Variants in SLFN12L observed in about 807,000 individuals in gnomAD.
SLFN12L encodes schlafen family member 12 like.
In SLFN12L, 34 loss-of-function variants were observed where a neutral mutation model predicts 34.8. That is an observed-to-expected ratio of 0.98 (90% CI 0.74 to 1.30). The LOEUF (loss-of-function observed/expected upper bound fraction) is 1.30, where lower values mean the gene tolerates loss of function less well. Among genes scored for constraint, SLFN12L ranks in the 50% most tolerant of loss-of-function variants. The probability of loss-of-function intolerance (pLI) is 0.00; values close to 1 mark genes in which losing one functional copy is unlikely to be tolerated. For missense variants in SLFN12L, 703 were observed against 696.2 expected (o/e 1.01, Z -0.11); for synonymous variants, 259 against 247.5 (o/e 1.05, Z -0.44).
At chr17:35,507,087 G>A (rs1415666970) in intron 2 of SLFN12L, among the ~76,000 whole-genome samples, 1 of 152,158 alleles carries the variant, frequency 6.6e-6, no homozygotes, top group African/African-American at 2.4e-5. Context: ...GGATATGTGT[G>A]CATAGAGCTT....
intron 2 of SLFN12L, among the ~76,000 whole-genome samples, chr17:35,488,315 C>T (rs893878409): frequency 1.3e-5 from 2 of 152,180 alleles, no homozygotes; most frequent in African/African-American, 4.8e-5. Flanking sequence ...CAGTTGACGC[C>T]AGAAACCGGG....
At position 35,502,416 on chromosome 17, in the gene SLFN12L, G is replaced by GAAAAAA. The variant is rs1161388791; in HGVS notation, c.86+19857_86+19862dup. Among the ~76,000 whole-genome samples, 176 of 25,256 alleles carry GAAAAAA rather than the reference G, an allele frequency of 7.0e-3. 9 individuals carry two copies. The highest frequency in any genetic ancestry group is 0.026 in the South Asian group (16 of 618). 16.6% of individuals were successfully genotyped at this position (25,256 alleles called of 152,430 possible). On this transcript the variant is annotated intron_variant, in intron 2 of 4. Coordinates refer to ENST00000628453, the MANE Select transcript of SLFN12L (RefSeq NM_001363830.2). ...CTCACCAGTTCAGAAGTATCCTAAG[G>GAAAAAA]AAAAAAAAAAAAAAAAAAAAAAAAA...
At chr17:35,490,521 G>C in intron 2 of SLFN12L, 1 of 891,810 alleles carries the variant, frequency 1.1e-6, no homozygotes, top group Non-Finnish European at 1.9e-6. Context: ...TTAAGAAGAA[G>C]TCTAAAAATA....
intron 2 of SLFN12L, among the ~76,000 whole-genome samples, chr17:35,505,331 A>G (rs114924089): frequency 1.3e-3 from 191 of 152,324 alleles, no homozygotes; most frequent in African/African-American, 4.4e-3. Context: ...GCCCTGGCTG[A>G]GGCCTGCCTA....
At position 35,469,668 on chromosome 17, in the gene SLFN12L, C is replaced by T. The variant is rs559205232; in HGVS notation, c.*5255G>A. Among the ~76,000 whole-genome samples the T allele has an allele frequency of 2.2e-4, 33 of 152,198 alleles. No homozygotes were observed. Among genetic ancestry groups the T allele is most frequent in the African/African-American group, 7.7e-4 (32 of 41,522 alleles). On this transcript the variant is annotated 3_prime_UTR_variant, in exon 5 of 5. Transcript: ENST00000628453. ...GTGTTTTCCTAGGTTCTGTACTTGT[C>T]TATTTGGCATCCATTAATCACAGGG...
intron 2 of SLFN12L, among the ~76,000 whole-genome samples, chr17:35,510,682 T>C (rs1405256948): frequency 1.3e-5 from 2 of 152,152 alleles, no homozygotes; most frequent in African/African-American, 4.8e-5. Context: ...GTGAATGTAC[T>C]AAAAATTATT....
Position 35,465,143 on chromosome 17 carries a change from G to A in SLFN12L, c.*9780C>T, listed in dbSNP as rs1431363730. Among the ~76,000 whole-genome samples, 1 of 152,192 alleles carries A rather than the reference G, an allele frequency of 6.6e-6. No individual in the cohort carries two copies. Among genetic ancestry groups the A allele is most frequent in the Non-Finnish European group, 1.5e-5 (1 of 68,030 alleles). On this transcript the variant is annotated 3_prime_UTR_variant, in exon 5 of 5. Transcript: ENST00000628453. The stretch of plus-strand genomic sequence containing the variant: ...GATCCGCCTGTCTCGGCCTCCCAAA[G>A]TGCTGGGATTACAGGCGTGAGCCAC...
intron 2 of SLFN12L, chr17:35,498,989 C>T (rs940158397): frequency 4.6e-5 from 32 of 701,632 alleles, no homozygotes; most frequent in East Asian, 3.1e-4. Context: ...CCCTCACTAC[C>T]GTCTGCTTCT....
chr17:35,490,357 CGATA>C, intron 2 of SLFN12L: 1 of 1,337,888 alleles, frequency 7.5e-7, no homozygotes, highest in Non-Finnish European at 1.1e-6. Context: ...AAACACGGTA[CGATA>C]GTCTCTTGAT....
chr17:35,530,285 T>C (rs1023176860), intron 1 of SLFN12L, among the ~76,000 whole-genome samples: 3 of 146,830 alleles, frequency 2.0e-5, no homozygotes, highest in African/African-American at 7.6e-5. Flanking sequence ...AGGCGGAGGT[T>C]GCAGTGAGCC....
At chr17:35,487,733 G>A (rs1198192314) in intron 2 of SLFN12L, 1 of 1,535,968 alleles carries the variant, frequency 6.5e-7, no homozygotes, top group Non-Finnish European at 8.7e-7. Context: ...AACCTGGCGA[G>A]GTCCATGTCT....
chr17:35,487,690 C>A lies in SLFN12L; in HGVS notation c.87-7495G>T, dbSNP rs545176018. On this transcript the variant is annotated intron_variant, in intron 2 of 4. Transcript: ENST00000628453. ...CTGTACCTATTTGTATTTTCTAAGG[C>A]GAAAAAAAAGTTATTTAAAGAAAAA... is the stretch of plus-strand genomic sequence containing the variant. The A allele has an allele frequency of 5.2e-4, 783 of 1,517,972 alleles. 5 individuals are homozygous for A. The African/African-American group carries it at 0.01, about 20-fold the overall frequency. 94.0% of individuals were successfully genotyped at this position (1,517,972 alleles called of 1,614,324 possible).
chr17:35,496,832 G>T (rs547595707), intron 2 of SLFN12L, among the ~76,000 whole-genome samples: 1 of 152,104 alleles, frequency 6.6e-6, no homozygotes, highest in Non-Finnish European at 1.5e-5. Flanking sequence ...TGCAGGGAGC[G>T]GGTCACCCAT....
rs1262783147 is a variant in SLFN12L, at chr17:35,525,778, G to A, written c.-605-2809C>T. On this transcript the variant is annotated intron_variant, in intron 1 of 4. Coordinates refer to ENST00000628453, the MANE Select transcript of SLFN12L (RefSeq NM_001363830.2). Reference sequence around the variant, plus strand: ...AACATACCAAATTGTAAAGACCATCGACACTATGAAGAAACCATCAACTAT... The same window carrying A: ...AACATACCAAATTGTAAAGACCATCAACACTATGAAGAAACCATCAACTAT... Among the ~76,000 whole-genome samples the A allele has an allele frequency of 7.9e-5, 12 of 152,202 alleles. 1 individual carries two copies. The South Asian group carries it at 1.0e-3, about 13-fold the overall frequency.
intron 1 of SLFN12L, among the ~76,000 whole-genome samples, chr17:35,536,328 T>A (rs1047362060): frequency 6.6e-6 from 1 of 152,214 alleles, no homozygotes; most frequent in Non-Finnish European, 1.5e-5. Context: ...AAAAGTCACA[T>A]GTAAAAACAC....
chr17:35,509,084 G>A (rs1044048728), intron 2 of SLFN12L, among the ~76,000 whole-genome samples: 2 of 152,186 alleles, frequency 1.3e-5, no homozygotes, highest in Admixed American at 6.5e-5. Flanking sequence ...CTGGAGTTAG[G>A]AGAAGGGCTA....
Position 35,467,082 on chromosome 17 carries a change from C to A in SLFN12L, c.*7841G>T, listed in dbSNP as rs1004886834. Among the ~76,000 whole-genome samples the A allele has an allele frequency of 7.9e-5, 12 of 152,312 alleles. No individual in the cohort carries two copies. The highest frequency in any genetic ancestry group is 2.1e-4 in the South Asian group (1 of 4,824). On this transcript the variant is annotated 3_prime_UTR_variant, in exon 5 of 5. Transcript: ENST00000628453. ...ATTCACACGCAGAAGGGAGTGACGTCCCCAGTCCTTGGTCCCTTGCCAGAT... is the reference window on the plus strand; with the variant it reads ...ATTCACACGCAGAAGGGAGTGACGTACCCAGTCCTTGGTCCCTTGCCAGAT...
intron 2 of SLFN12L, among the ~76,000 whole-genome samples, chr17:35,499,436 C>T (rs1459799125): frequency 6.6e-6 from 1 of 152,178 alleles, no homozygotes; most frequent in Admixed American, 6.5e-5. Flanking sequence ...GATAACAACC[C>T]TAAGCCTAAT....
At chr17:35,524,406 T>C (rs1386313361) in intron 1 of SLFN12L, among the ~76,000 whole-genome samples, 1 of 152,208 alleles carries the variant, frequency 6.6e-6, no homozygotes, top group East Asian at 1.9e-4. Flanking sequence ...AGTGGGTCCC[T>C]GGCCCATGTG....
Sources: gnomAD v4.1 joint callset for allele counts (sites outside exome capture counted in the v4.1 genomes callset) on GRCh38, gnomAD v4.1.1 for gene constraint, MANE v1.5 for transcripts, NCBI Gene and HGNC (gene_info 2026-07-23, HGNC 2026-07-21) for gene names.